Variants in CYRIA observed in about 807,000 individuals in gnomAD.
CYRIA encodes CYFIP-related Rac1 interactor A.
In CYRIA, 15 loss-of-function variants were observed where a neutral mutation model predicts 43.9. The observed-to-expected ratio is 0.34, with a 90% CI of 0.23 to 0.53. The LOEUF is 0.53. CYRIA is among the 20% of genes least tolerant of loss of function. The pLI is 0.94. For missense variants in CYRIA, 236 were observed against 394.2 expected (o/e 0.60, Z 3.40); for synonymous variants, 117 against 136.0 (o/e 0.86, Z 0.97).
At chr2:16,635,444 G>T (rs1039162155) in intron 1 of CYRIA, among the ~76,000 whole-genome samples, 6 of 152,226 alleles carry the variant, frequency 3.9e-5, no homozygotes, top group Admixed American at 3.9e-4. Flanking sequence ...GGATGAGGTA[G>T]ATCTCTTGCC....
At chr2:16,555,328 G>T (rs1473859233) in intron 10 of CYRIA, among the ~76,000 whole-genome samples, 189 bp from the exon 11 acceptor site, 2 of 151,762 alleles carry the variant, frequency 1.3e-5, no homozygotes, top group African/African-American at 4.9e-5. Flanking sequence ...AGAGGATTCT[G>T]TATGACTGCA....
chr2:16,609,545 T>C (rs1035802218), intron 2 of CYRIA, among the ~76,000 whole-genome samples: 1 of 152,190 alleles, frequency 6.6e-6, no homozygotes, highest in Non-Finnish European at 1.5e-5. Context: ...TAGATTTTCT[T>C]TGTATATTCA....
At chr2:16,652,441 T>G (rs1670000550) in intron 1 of CYRIA, among the ~76,000 whole-genome samples, 1 of 152,184 alleles carries the variant, frequency 6.6e-6, no homozygotes, top group East Asian at 1.9e-4. Flanking sequence ...TCTCTCCCCT[T>G]GCCGTATACC....
At chr2:16,659,309 AG>A (rs1490058048) in intron 1 of CYRIA, among the ~76,000 whole-genome samples, 20 of 152,244 alleles carry the variant, frequency 1.3e-4, no homozygotes, top group Non-Finnish European at 1.5e-5. Context: ...TTCAGATACC[AG>A]CTATGCCACT....
chr2:16,593,283 C>T (rs1667992085), intron 2 of CYRIA, among the ~76,000 whole-genome samples: 1 of 152,052 alleles, frequency 6.6e-6, no homozygotes, highest in Non-Finnish European at 1.5e-5. Context: ...TTATGTATAT[C>T]TTTTCCACAT....
chr2:16,581,310 A>G (rs1028754388), intron 3 of CYRIA, among the ~76,000 whole-genome samples: 2 of 152,216 alleles, frequency 1.3e-5, no homozygotes, highest in African/African-American at 2.4e-5. Context: ...ATTTTCTTAA[A>G]TAGATAAGCA....
chr2:16,585,242 T>C (rs139309022), intron 3 of CYRIA, among the ~76,000 whole-genome samples: 201 of 152,254 alleles, frequency 1.3e-3, no homozygotes, highest in African/African-American at 4.4e-3. Flanking sequence ...TTTTTTTCCA[T>C]GGAATGTCTT....
chr2:16,593,277 G>GTA (rs1667991754), intron 2 of CYRIA, among the ~76,000 whole-genome samples: 1 of 151,960 alleles, frequency 6.6e-6, no homozygotes, highest in Non-Finnish European at 1.5e-5. Context: ...GGTCCTTTAT[G>GTA]TATATCTTTT....
At chr2:16,605,311 T>C (rs1316043168) in intron 2 of CYRIA, among the ~76,000 whole-genome samples, 1 of 152,232 alleles carries the variant, frequency 6.6e-6, no homozygotes, top group Non-Finnish European at 1.5e-5. Context: ...ATTAGATTCT[T>C]TTTTAGGGAA....
In CYRIA at chr2:16,549,975, C is replaced by A. The variant is rs1157243109; in HGVS notation, c.*2961G>T. ...TACTCCACCCCTAATGTGAAGACAT[C>A]CATTTCCAGTTGTTTTTTTTTTTTG... On this transcript the variant is annotated 3_prime_UTR_variant, in exon 12 of 12. Coordinates refer to ENST00000381323, the MANE Select transcript of CYRIA (RefSeq NM_030797.4). 1 of 147,066 alleles carries A rather than the reference C, an allele frequency of 6.8e-6. No individual in the cohort carries two copies. Among genetic ancestry groups the A allele is most frequent in the African/African-American group, 2.5e-5 (1 of 39,404 alleles). The allele number at this position is 147,066 out of a possible 1,614,324, so 9.1% of individuals were successfully genotyped here.
intron 4 of CYRIA, 96 bp downstream of exon 4, chr2:16,565,550 T>C: frequency 5.3e-6 from 7 of 1,322,412 alleles, no homozygotes; most frequent in Non-Finnish European, 7.0e-6. Context: ...GGAAATACTG[T>C]AGCTATTACT....
chr2:16,662,790 C>T (rs1345861237), intron 1 of CYRIA, among the ~76,000 whole-genome samples: 2 of 152,338 alleles, frequency 1.3e-5, no homozygotes, highest in East Asian at 3.9e-4. Context: ...CCTGATTCAA[C>T]CCTCATGGGT....
rs1009301366 is a variant in CYRIA, at chr2:16,651,189, C to G, written c.-167+14591G>C. 1.4e-4 allele frequency among the ~76,000 whole-genome samples: 21 copies of G among 152,218 alleles called. No individual in the cohort carries two copies. The East Asian group carries it at 3.9e-3, about 28-fold the overall frequency. On this transcript the variant is annotated intron_variant, in intron 1 of 11. Coordinates refer to ENST00000381323, the MANE Select transcript of CYRIA (RefSeq NM_030797.4). ...ACAATTCACACCTTTGGTTTCCTAC[C>G]CTGACCCAAGCTAGGCTGACTTCTA...
intron 2 of CYRIA, among the ~76,000 whole-genome samples, chr2:16,604,035 G>C (rs1216813261): frequency 2.6e-5 from 4 of 152,316 alleles, no homozygotes; most frequent in African/African-American, 9.6e-5. Context: ...GTGGGGCTGG[G>C]AGCAGAGCTA....
chr2:16,665,464 G>A (rs1232634167), intron 1 of CYRIA, among the ~76,000 whole-genome samples: 1 of 151,946 alleles, frequency 6.6e-6, no homozygotes, highest in East Asian at 1.9e-4. Flanking sequence ...TGATACCTGG[G>A]GTGGGGGGTA....
intron 2 of CYRIA, among the ~76,000 whole-genome samples, chr2:16,621,560 A>G (rs938007780): frequency 6.6e-6 from 1 of 152,172 alleles, no homozygotes; most frequent in African/African-American, 2.4e-5. Flanking sequence ...TAAACACCCA[A>G]GTCCTTTCTG....
At chr2:16,570,133 T>C (rs1037768716) in intron 3 of CYRIA, among the ~76,000 whole-genome samples, 2 of 152,078 alleles carry the variant, frequency 1.3e-5, no homozygotes, top group African/African-American at 4.8e-5. Flanking sequence ...TTAGATCCTC[T>C]CCTCTGTCTC....
chr2:16,581,341 A>C lies in CYRIA; in HGVS notation c.70+6709T>G, dbSNP rs1481709346. On this transcript the variant is annotated intron_variant, in intron 3 of 11. Transcript: ENST00000381323. ...AAGCAACTATACAATAAGCACATGA[A>C]AAAGAGCTCAACACTGTCAGTTATT... 4.6e-5 allele frequency among the ~76,000 whole-genome samples: 7 copies of C among 152,306 alleles called. No homozygotes were observed. The East Asian group carries it at 1.3e-3, about 29-fold the overall frequency.
At chr2:16,657,902 T>C (rs907990770) in intron 1 of CYRIA, among the ~76,000 whole-genome samples, 2 of 152,198 alleles carry the variant, frequency 1.3e-5, no homozygotes, top group Non-Finnish European at 2.9e-5. Context: ...AAATGCATGA[T>C]GAAATAAACT....
Sources: gnomAD v4.1 joint callset for allele counts (sites outside exome capture counted in the v4.1 genomes callset) on GRCh38, gnomAD v4.1.1 for gene constraint, MANE v1.5 for transcripts, NCBI Gene and HGNC (gene_info 2026-07-23, HGNC 2026-07-21) for gene names.